The following SNX10 variants were observed in gnomAD, a reference collection of about 807,000 sequenced individuals.
The protein encoded by SNX10 is sorting nexin-10.
Under a neutral mutation model 28.5 loss-of-function variants are expected in SNX10, and 25 were observed. That is an observed-to-expected ratio of 0.88 (90% CI 0.64 to 1.22). SNX10 has a LOEUF of 1.22. Among genes scored for constraint, SNX10 ranks in the 50% most tolerant of loss-of-function variants. SNX10 has a pLI of 0.00. For synonymous variants in SNX10, 62 were observed against 81.4 expected, an observed-to-expected ratio of 0.76 and a Z score of 1.28; for missense variants, 223 against 242.6, an observed-to-expected ratio of 0.92 and a Z score of 0.54.
intron 2 of SNX10, among the ~76,000 whole-genome samples, chr7:26,358,011 GC>G (rs1788894644): frequency 6.6e-6 from 1 of 152,162 alleles, no homozygotes; most frequent in South Asian, 2.1e-4. Flanking sequence ...GCAATAGTGT[GC>G]AAAGAACAAC....
At chr7:26,341,432 A>T (rs1852860) in intron 1 of SNX10, among the ~76,000 whole-genome samples, 30,051 of 151,974 alleles carry the variant, frequency 0.2, 3,541 homozygotes, top group East Asian at 0.44. Flanking sequence ...CTAGCAGAGG[A>T]CACTGGGAGG....
At chr7:26,351,847 G>T (rs894156266) in intron 2 of SNX10, among the ~76,000 whole-genome samples, 2 of 141,834 alleles carry the variant, frequency 1.4e-5, no homozygotes, top group Admixed American at 6.9e-5. Context: ...TAGTAGAGGC[G>T]GGGTTTCACC....
intron 1 of SNX10, among the ~76,000 whole-genome samples, chr7:26,309,824 C>G (rs572631798): frequency 6.6e-6 from 1 of 152,296 alleles, no homozygotes; most frequent in South Asian, 2.1e-4. Context: ...ATCCTGGCTT[C>G]TTCACTTGAT....
chr7:26,336,284 A>C (rs571890243), intron 1 of SNX10, among the ~76,000 whole-genome samples: 36 of 152,346 alleles, frequency 2.4e-4, no homozygotes, highest in African/African-American at 8.4e-4. Flanking sequence ...AAAGGAAGTA[A>C]AAATCAGTCA....
chr7:26,367,030 G>GT (rs374638783), intron 5 of SNX10, among the ~76,000 whole-genome samples: 37 of 151,950 alleles, frequency 2.4e-4, no homozygotes, highest in Non-Finnish European at 4.9e-4. Flanking sequence ...ATGGTTCCTG[G>GT]TTTTTTTTCT....
intron 1 of SNX10, among the ~76,000 whole-genome samples, chr7:26,322,863 G>A (rs1038462391): frequency 6.6e-6 from 1 of 152,094 alleles, no homozygotes; most frequent in Non-Finnish European, 1.5e-5. Context: ...AAAAGCAAAT[G>A]TCTCTACCCT....
intron 1 of SNX10, among the ~76,000 whole-genome samples, chr7:26,344,175 AT>A (rs35200460): frequency 2.3e-3 from 265 of 114,078 alleles, no homozygotes; most frequent in African/African-American, 5.3e-3. Context: ...CTGTCTCTGA[AT>A]TTTTTTTTTT....
At chr7:26,346,060 G>T (rs540143476) in intron 1 of SNX10, among the ~76,000 whole-genome samples, 1 of 152,222 alleles carries the variant, frequency 6.6e-6, no homozygotes, top group Admixed American at 6.5e-5. Context: ...CTCTCTGCGC[G>T]TCTTTTCCAG....
intron 5 of SNX10, among the ~76,000 whole-genome samples, chr7:26,366,698 C>T (rs1242660973): frequency 1.3e-5 from 2 of 152,242 alleles, no homozygotes; most frequent in Non-Finnish European, 2.9e-5. Context: ...GCTGTGGCAT[C>T]TTGTCTTCTG....
chr7:26,353,367 A>G (rs1461371038), intron 2 of SNX10, among the ~76,000 whole-genome samples: 1 of 149,974 alleles, frequency 6.7e-6, no homozygotes, highest in Non-Finnish European at 1.5e-5. Context: ...GAAATGTGCT[A>G]GATTTTAGTT....
chr7:26,314,743 T>G (rs1787002083), intron 1 of SNX10, among the ~76,000 whole-genome samples: 1 of 152,134 alleles, frequency 6.6e-6, no homozygotes, highest in African/African-American at 2.4e-5. Flanking sequence ...CTCATGCCTG[T>G]AATCCCAGCA....
chr7:26,293,347 C>G (rs939554458), intron 1 of SNX10, among the ~76,000 whole-genome samples: 1 of 152,066 alleles, frequency 6.6e-6, no homozygotes, highest in Non-Finnish European at 1.5e-5. Context: ...ACCACAGGTG[C>G]GGGCCACCAC....
chr7:26,346,390 A>G, intron 1 of SNX10, 30 bp from the exon 2 acceptor site: 1 of 1,479,880 alleles, frequency 6.8e-7, no homozygotes, highest in African/African-American at 1.4e-5. Context: ...GAGGTTCCAA[A>G]TGACCCAGTG....
chr7:26,351,789 TG>T (rs1186448338), intron 2 of SNX10, among the ~76,000 whole-genome samples: 1 of 151,448 alleles, frequency 6.6e-6, no homozygotes, highest in Non-Finnish European at 1.5e-5. Context: ...CCTGAGTAGC[TG>T]GGACTACAGG....
chr7:26,348,318 T>C (rs1788468298), intron 2 of SNX10, among the ~76,000 whole-genome samples: 1 of 152,192 alleles, frequency 6.6e-6, no homozygotes, highest in Non-Finnish European at 1.5e-5. Flanking sequence ...AACTGCAAGG[T>C]TAAGGGCATA....
intron 2 of SNX10, among the ~76,000 whole-genome samples, chr7:26,353,437 CT>C (rs11386172): frequency 0.024 from 1,805 of 74,390 alleles, 22 homozygotes; most frequent in African/African-American, 0.08. Flanking sequence ...CTGGTAAATG[CT>C]TTTTTTTTTT....
chr7:26,359,363 A>G (rs866636703), intron 2 of SNX10, among the ~76,000 whole-genome samples: 3 of 152,126 alleles, frequency 2.0e-5, no homozygotes, highest in Non-Finnish European at 4.4e-5. Flanking sequence ...GCATGATTCA[A>G]TGGAGGTGCT....
Position 26,356,650 on chromosome 7 carries a change from A to G in SNX10, c.25-4325A>G, listed in dbSNP as rs554602984. ...ATGTACTTTTATTACTTTCAAGTACATATTTTAACTCCCACTAGGCCAACA... is the reference window on the plus strand; with the variant it reads ...ATGTACTTTTATTACTTTCAAGTACGTATTTTAACTCCCACTAGGCCAACA... On this transcript the variant is annotated intron_variant, in intron 2 of 6. Coordinates refer to ENST00000338523, the MANE Select transcript of SNX10 (RefSeq NM_013322.3). Among the ~76,000 whole-genome samples, 5 of 152,346 alleles carry G rather than the reference A, an allele frequency of 3.3e-5. No homozygotes were observed. In the South Asian group the frequency reaches 8.3e-4, roughly 25 times the overall value.
chr7:26,296,832 AC>A (rs1216074068), intron 1 of SNX10, among the ~76,000 whole-genome samples: 2 of 151,998 alleles, frequency 1.3e-5, no homozygotes, highest in Non-Finnish European at 1.5e-5. Context: ...GGCAACATAG[AC>A]CCCATGTCTA....
Sources: gnomAD v4.1 joint callset for allele counts (sites outside exome capture counted in the v4.1 genomes callset) on GRCh38, gnomAD v4.1.1 for gene constraint, MANE v1.5 for transcripts, NCBI Gene and HGNC (gene_info 2026-07-23, HGNC 2026-07-21) for gene names.